TDP2: variants seen among roughly 807,000 people sequenced by gnomAD.
TDP2 encodes tyrosyl-DNA phosphodiesterase 2.
A neutral mutation model predicts 42.8 loss-of-function variants in TDP2; 38 were observed. The ratio of observed to expected loss-of-function variants is 0.89; its 90% CI spans 0.68 to 1.16. TDP2 has a LOEUF of 1.16. Among genes scored for constraint, TDP2 ranks in the 50% most tolerant of loss-of-function variants. The probability of loss-of-function intolerance (pLI) is 0.00; values close to 1 mark genes in which losing one functional copy is unlikely to be tolerated. For synonymous variants in TDP2, 173 were observed against 150.6 expected (o/e 1.15, Z -1.09); for missense variants, 439 against 439.3 (o/e 1.00, Z 0.01).
chr6:24,653,596 T>C (rs1190146386), intron 5 of TDP2, among the ~76,000 whole-genome samples: 1 of 152,228 alleles, frequency 6.6e-6, no homozygotes. Flanking sequence ...AAAAAGTCAG[T>C]TAACTGAATG....
chr6:24,655,949 A>G (rs1283268336), intron 4 of TDP2, among the ~76,000 whole-genome samples: 1 of 152,240 alleles, frequency 6.6e-6, no homozygotes, highest in Non-Finnish European at 1.5e-5. Flanking sequence ...AGCCTTGCTC[A>G]GGCATACTAA....
intron 2 of TDP2, among the ~76,000 whole-genome samples, chr6:24,661,239 G>A (rs1004090959): frequency 6.6e-6 from 1 of 152,152 alleles, no homozygotes; most frequent in Non-Finnish European, 1.5e-5. Flanking sequence ...TTTAATAGAT[G>A]GAGTTCTACT....
intron 1 of TDP2, 32 bp downstream of exon 1, chr6:24,666,666 T>C (rs376618846): frequency 1.2e-6 from 2 of 1,614,040 alleles, no homozygotes; most frequent in African/African-American, 1.3e-5. Flanking sequence ...ACCTAGGTAA[T>C]GGAGCCGGAA....
At chr6:24,656,597 A>G (rs1433211888) in intron 4 of TDP2, among the ~76,000 whole-genome samples, 1 of 152,080 alleles carries the variant, frequency 6.6e-6, no homozygotes, top group Non-Finnish European at 1.5e-5. Flanking sequence ...TAAAAAGAAG[A>G]CCCTCAAAGC....
At chr6:24,658,255 T>C (rs902997757) in intron 3 of TDP2, among the ~76,000 whole-genome samples, 19 of 152,212 alleles carry the variant, frequency 1.2e-4, no homozygotes, top group African/African-American at 4.6e-4. Flanking sequence ...ACTTAAGTGA[T>C]TTGGCCAAGG....
chr6:24,663,882 C>A (rs559652793), intron 2 of TDP2, among the ~76,000 whole-genome samples: 4 of 152,314 alleles, frequency 2.6e-5, no homozygotes, highest in Non-Finnish European at 4.4e-5. Context: ...GCAATTTATG[C>A]AACACCCACA....
intron 6 of TDP2, 127 bp from the exon 7 acceptor site, chr6:24,651,196 G>A (rs1020430628): frequency 1.4e-5 from 10 of 721,592 alleles, no homozygotes; most frequent in Admixed American, 3.0e-5. Context: ...GCAAAACAAT[G>A]AGATACATTA....
rs1418528440 is a variant in TDP2, at chr6:24,651,089, T to C, written c.808-20A>G. ...GGTAACCTGAAAAGAAGAAGAATAC[T>C]CTCTAAGATACACATAGCCTTTTGC... is the stretch of plus-strand genomic sequence containing the variant. On this transcript the variant is annotated intron_variant, in intron 6 of 6. Coordinates refer to ENST00000378198, the MANE Select transcript of TDP2 (RefSeq NM_016614.3). 6.4e-7 allele frequency: 1 copy of C among 1,562,352 alleles called. No individual in the cohort carries two copies. The highest frequency in any genetic ancestry group is 8.7e-7 in the Non-Finnish European group (1 of 1,146,032).
intron 2 of TDP2, 38 bp downstream of exon 2, chr6:24,666,488 C>A: frequency 6.2e-7 from 1 of 1,601,976 alleles, no homozygotes; most frequent in Non-Finnish European, 8.6e-7. Flanking sequence ...ATCAAACTGC[C>A]TCCGTGCGGA....
intron 1 of TDP2, 21 bp from the exon 2 acceptor site, chr6:24,666,632 G>A (rs1292646431): frequency 1.2e-6 from 2 of 1,614,110 alleles, no homozygotes; most frequent in East Asian, 4.5e-5. Flanking sequence ...AAGGCACAAG[G>A]GATGAGGTTT....
At chr6:24,658,848 G>T in intron 2 of TDP2, 114 bp from the exon 3 acceptor site, 1 of 1,030,500 alleles carries the variant, frequency 9.7e-7, no homozygotes, top group Non-Finnish European at 1.4e-6. Context: ...CCCTAAAAGT[G>T]ACACTGTCCT....
chr6:24,664,665 A>AT (rs149988446), intron 2 of TDP2, among the ~76,000 whole-genome samples: 52 of 151,372 alleles, frequency 3.4e-4, no homozygotes, highest in African/African-American at 1.2e-3. Flanking sequence ...CTTCCAATCA[A>AT]TTTTTTTTTC....
intron 2 of TDP2, among the ~76,000 whole-genome samples, chr6:24,661,181 G>A (rs1048549824): frequency 2.6e-5 from 4 of 152,038 alleles, no homozygotes; most frequent in African/African-American, 7.2e-5. Flanking sequence ...TTATCAATAC[G>A]GCAGTTCCCA....
At chr6:24,662,031 T>C (rs1778157080) in intron 2 of TDP2, among the ~76,000 whole-genome samples, 1 of 152,116 alleles carries the variant, frequency 6.6e-6, no homozygotes, top group South Asian at 2.1e-4. Context: ...TTTGTTAAAA[T>C]TGTGTTTGCA....
intron 2 of TDP2, 116 bp downstream of exon 2, chr6:24,666,410 T>G (rs968985221): frequency 7.0e-7 from 1 of 1,432,432 alleles, no homozygotes; most frequent in Non-Finnish European, 9.7e-7. Context: ...CTACGCAGCT[T>G]GGAGATCTGC....
rs539280948 is a variant in TDP2, at chr6:24,654,960, C to G, written c.518-430G>C. ...GGCTGAATTAGGCAAATCACTTGAA[C>G]CTGGGAGGCAGAGGTTGCGGTGAGC... On this transcript the variant is annotated intron_variant, in intron 4 of 6. Transcript: ENST00000378198. Among the ~76,000 whole-genome samples, 15 of 152,294 alleles carry G rather than the reference C, an allele frequency of 9.8e-5. No individual in the cohort carries two copies. In the East Asian group the frequency reaches 2.9e-3, roughly 29 times the overall value.
In TDP2 at chr6:24,666,842, C is replaced by T. The variant is rs1778256759; in HGVS notation, c.21G>A (p.Leu7=). 1.2e-6 allele frequency: 2 copies of T among 1,613,952 alleles called. No homozygotes were observed. Among genetic ancestry groups the T allele is most frequent in the Non-Finnish European group, 1.7e-6 (2 of 1,180,048 alleles). The change falls in exon 1 of 7, where the codon CTG becomes CTA. Residue 7 remains leucine (L), a synonymous_variant. Transcript: ENST00000378198. ...CCTCCGCCGCCTCCCTCCCGCCCTC[C>T]AGGCAACTCCCCAACTCCATCTTCC... MELGSC[L]EGGREAAEEE...
intron 2 of TDP2, chr6:24,666,286 C>T: frequency 6.5e-7 from 1 of 1,535,280 alleles, no homozygotes; most frequent in Non-Finnish European, 8.8e-7. Flanking sequence ...ACATTTCCAT[C>T]TTTTCCTCCC....
chr6:24,662,264 GA>G (rs1175854141), intron 2 of TDP2, among the ~76,000 whole-genome samples: 1 of 151,982 alleles, frequency 6.6e-6, no homozygotes, highest in African/African-American at 2.4e-5. Context: ...GAGGATTAGT[GA>G]AAGAAGGCCT....
Sources: gnomAD v4.1 joint callset for allele counts (sites outside exome capture counted in the v4.1 genomes callset) on GRCh38, gnomAD v4.1.1 for gene constraint, MANE v1.5 for transcripts, NCBI Gene and HGNC (gene_info 2026-07-23, HGNC 2026-07-21) for gene names.